Variants in C10orf105 observed in about 807,000 individuals in gnomAD.
C10orf105 encodes the protein chromosome 10 open reading frame 105.
Under a neutral mutation model 0.6 loss-of-function variants are expected in C10orf105, and 2 were observed. That is an observed-to-expected ratio of 3.18 (90% CI 1.30 to 10.01). The LOEUF (loss-of-function observed/expected upper bound fraction) is 10.01. C10orf105 is among the 30% of genes most tolerant of loss of function. The pLI is 0.04. For synonymous variants in C10orf105, 95 were observed against 82.4 expected (o/e 1.15, Z -0.83); for missense variants, 209 against 191.4 (o/e 1.09, Z -0.54).
rs532865101 is a variant in C10orf105 at position 71,718,736 on chromosome 10, G to A, written c.-6+891C>T. On this transcript the variant is annotated intron_variant, in intron 1 of 1. Coordinates refer to ENST00000441508, the MANE Select transcript of C10orf105 (RefSeq NM_001164375.3). ...GAGACCCTACTGGGCTAGCAAATAGGATCCAGGCTTCAGGCCTTGGGACCT... is the reference window on the plus strand; with the variant it reads ...GAGACCCTACTGGGCTAGCAAATAGAATCCAGGCTTCAGGCCTTGGGACCT... Among the ~76,000 whole-genome samples, 5 of 152,318 alleles carry A rather than the reference G, an allele frequency of 3.3e-5. No individual in the cohort carries two copies. In the South Asian group the frequency reaches 1.0e-3, roughly 32 times the overall value.
At chr10:71,732,009 C>T (rs2132824453) in intron 1 of C10orf105, 1 of 1,613,884 alleles carries the variant, frequency 6.2e-7, no homozygotes. Flanking sequence ...TGGTGAACTA[C>T]CGCATCCTGT....
rs368487578 is a variant in C10orf105 at position 71,712,712 on chromosome 10, G to A, written c.*3224C>T. On this transcript the variant is annotated 3_prime_UTR_variant, in exon 2 of 2. Transcript: ENST00000441508. ...ACACACGGGCACAGCCACCGTGTTC[G>A]TCACTGTCCTGGATGTGAATGACAA... 4.7e-5 allele frequency: 76 copies of A among 1,613,592 alleles called. No individual in the cohort carries two copies. Among genetic ancestry groups the A allele is most frequent in the Non-Finnish European group, 6.3e-5 (74 of 1,179,874 alleles).
At chr10:71,730,797 C>T (rs1335757123) in intron 1 of C10orf105, among the ~76,000 whole-genome samples, 1 of 152,232 alleles carries the variant, frequency 6.6e-6, no homozygotes, top group Non-Finnish European at 1.5e-5. Flanking sequence ...GGGTTGGAAT[C>T]AGGGAGAGTT....
At chr10:71,728,816 G>T (rs756326658) in intron 1 of C10orf105, among the ~76,000 whole-genome samples, 2 of 152,100 alleles carry the variant, frequency 1.3e-5, no homozygotes, top group Admixed American at 1.3e-4. Context: ...CAATCCTCCC[G>T]CCTCAGCCTC....
rs1004634637 is a variant in C10orf105, at chr10:71,730,684, G to A, written c.-6+7044C>T. ...GCTCACCCAGCCCCTCCTTCGAAAC[G>A]GTCATCCCTGATGCTTCAGGCTCCC... On this transcript the variant is annotated intron_variant, in intron 1 of 1. Transcript: ENST00000398786. 32 of 1,569,896 alleles carry A rather than the reference G, an allele frequency of 2.0e-5. No individual in the cohort carries two copies. The East Asian group carries it at 3.5e-4, about 17-fold the overall frequency.
Position 71,712,603 on chromosome 10 carries a change from C to T in C10orf105, c.*3333G>A. 6.3e-7 allele frequency: 1 copy of T among 1,590,284 alleles called. No individual in the cohort carries two copies. Among genetic ancestry groups the T allele is most frequent in the Non-Finnish European group, 8.6e-7 (1 of 1,164,544 alleles). ...GCCGGTGCCCGGGAGTGTGCAAAGTCACAGGAAGTGTGCCCCTCTCTCAGG... is the reference window on the plus strand; with the variant it reads ...GCCGGTGCCCGGGAGTGTGCAAAGTTACAGGAAGTGTGCCCCTCTCTCAGG... On this transcript the variant is annotated 3_prime_UTR_variant, in exon 2 of 2. Transcript: ENST00000441508.
intron 1 of C10orf105, chr10:71,732,031 G>A (rs1839408230): frequency 6.2e-7 from 1 of 1,613,876 alleles, no homozygotes; most frequent in African/African-American, 1.3e-5. Flanking sequence ...GGGCGCAGAG[G>A]GGAAGTTTGA....
intron 1 of C10orf105, chr10:71,731,892 C>G: frequency 7.2e-7 from 1 of 1,391,024 alleles, no homozygotes; most frequent in Non-Finnish European, 9.7e-7. Context: ...GCTGGGTGGG[C>G]CACCCAGGGG....
In C10orf105 at chr10:71,731,264, C is replaced by T. The variant is rs1034827722; in HGVS notation, c.-6+6464G>A. On this transcript the variant is annotated intron_variant, in intron 1 of 1. Coordinates refer to the C10orf105 transcript ENST00000398786. ...GGAGACCCACTGTCCCCCAGAGAGG[C>T]TCCCTGAGCTGCTCATCCTTCATGT... Among the ~76,000 whole-genome samples, 3 of 152,238 alleles carry T rather than the reference C, an allele frequency of 2.0e-5. No homozygotes were observed. In the East Asian group the frequency reaches 5.8e-4, roughly 29 times the overall value.
upstream of C10orf105, among the ~76,000 whole-genome samples, chr10:71,723,081 A>T (rs978959646): frequency 2.0e-5 from 3 of 152,290 alleles, no homozygotes; most frequent in Admixed American, 6.5e-5. Flanking sequence ...GGCAGCTCCC[A>T]TGCACACCAC....
At chr10:71,731,886 G>A (rs1839402588) in intron 1 of C10orf105, 4 of 1,312,794 alleles carry the variant, frequency 3.0e-6, no homozygotes, top group African/African-American at 1.5e-5. Context: ...GCCCATGCTG[G>A]GTGGGCCACC....
chr10:71,734,142 G>A, intron 1 of C10orf105: 1 of 973,500 alleles, frequency 1.0e-6, no homozygotes, highest in Non-Finnish European at 1.6e-6. Flanking sequence ...AGTTATGCCG[G>A]ACAGAGGAAG....
rs1866002576 is a variant in C10orf105, at chr10:71,712,296, T to C, written c.*3640A>G. ...CATTTTCAAAGGCCCTTTTCCCAAA[T>C]AAATTAATCTTCACAGGTTCCCAGG... On this transcript the variant is annotated 3_prime_UTR_variant, in exon 2 of 2. Transcript: ENST00000441508. The C allele has an allele frequency of 5.3e-6, 1 of 189,282 alleles. No homozygotes were observed. Among genetic ancestry groups the C allele is most frequent in the African/African-American group, 2.3e-5 (1 of 42,870 alleles). The allele number at this position is 189,282 out of a possible 1,614,324, so 11.7% of individuals were successfully genotyped here.
At chr10:71,721,787 C>T (rs918303171), upstream of C10orf105, among the ~76,000 whole-genome samples, 1 of 152,196 alleles carries the variant, frequency 6.6e-6, no homozygotes, top group Non-Finnish European at 1.5e-5. Flanking sequence ...ATCAGTGCTG[C>T]TGATTGAGGC....
At chr10:71,728,188 CT>C (rs752346711) in intron 1 of C10orf105, among the ~76,000 whole-genome samples, 2 of 152,136 alleles carry the variant, frequency 1.3e-5, no homozygotes, top group Non-Finnish European at 2.9e-5. Context: ...TCCATGCAAA[CT>C]CCCCCCCGCA....
intron 1 of C10orf105, chr10:71,725,554 A>G: frequency 6.2e-7 from 1 of 1,600,280 alleles, no homozygotes; most frequent in Non-Finnish European, 8.5e-7. Context: ...TGCTGACCTC[A>G]GGACGGGGCC....
chr10:71,715,789 T>A lies in C10orf105; in HGVS notation c.*147A>T. ...TCATCTTTGGGAAAGGGCGCTGGCC[T>A]GGGCATGCAAGGAGCTTCGGGGGGT... On this transcript the variant is annotated 3_prime_UTR_variant, in exon 2 of 2. Coordinates refer to ENST00000441508, the MANE Select transcript of C10orf105 (RefSeq NM_001164375.3). 4.3e-6 allele frequency: 3 copies of A among 704,530 alleles called. No homozygotes were observed. Among genetic ancestry groups the A allele is most frequent in the Non-Finnish European group, 6.5e-6 (3 of 458,160 alleles). 43.6% of individuals were successfully genotyped at this position (704,530 alleles called of 1,614,324 possible).
At chr10:71,730,330 A>G (rs117494238) in intron 1 of C10orf105, 31,476 of 1,049,490 alleles carry the variant, frequency 0.03, 812 homozygotes, top group East Asian at 0.1. Context: ...GACCCACCAG[A>G]CAGGCCTGGG....
At chr10:71,716,696 C>G (rs1866261652) in intron 1 of C10orf105, 1 of 213,592 alleles carries the variant, frequency 4.7e-6, no homozygotes, top group Non-Finnish European at 9.2e-6. Context: ...CTGTCAATAA[C>G]TTGCTCTGTG....
Sources: gnomAD v4.1 joint callset for allele counts (sites outside exome capture counted in the v4.1 genomes callset) on GRCh38, gnomAD v4.1.1 for gene constraint, MANE v1.5 for transcripts, NCBI Gene and HGNC (gene_info 2026-07-23, HGNC 2026-07-21) for gene names.